The following HEATR6 variants were observed in gnomAD, a reference collection of about 807,000 sequenced individuals.
The protein encoded by HEATR6 is HEAT repeat-containing protein 6.
In HEATR6, 106 loss-of-function variants were observed where a neutral mutation model predicts 132.8. The observed-to-expected ratio is 0.80, with a 90% confidence interval of 0.68 to 0.94. The LOEUF is 0.94. HEATR6 is among the 40% of genes least tolerant of loss of function. HEATR6 has a pLI of 0.00. For missense variants in HEATR6, 1,339 were observed against 1,425.1 expected (o/e 0.94, Z 0.97); for synonymous variants, 529 against 537.8 (o/e 0.98, Z 0.23).
At chr17:60,054,863 G>C (rs1461348585) in intron 14 of HEATR6, among the ~76,000 whole-genome samples, 2 of 152,186 alleles carry the variant, frequency 1.3e-5, no homozygotes, top group Admixed American at 1.3e-4. Context: ...ACAGTGAGAG[G>C]AACATGAGAT....
chr17:60,044,213 C>T, intron 19 of HEATR6, 79 bp from the exon 20 acceptor site: 1 of 1,020,052 alleles, frequency 9.8e-7, no homozygotes, highest in South Asian at 1.5e-5. Context: ...TGGAAGGAAG[C>T]TTAAACACTA....
intron 12 of HEATR6, among the ~76,000 whole-genome samples, chr17:60,056,510 C>G (rs929135049): frequency 6.6e-6 from 1 of 152,174 alleles, no homozygotes; most frequent in Non-Finnish European, 1.5e-5. Context: ...AATTTTACAA[C>G]TAAAGAACCT....
rs1906193513 is a variant in HEATR6 at position 60,042,284 on chromosome 17, G to A, written c.*1279C>T. 6.6e-6 allele frequency among the ~76,000 whole-genome samples: 1 copy of A among 152,246 alleles called. No individual in the cohort carries two copies. The highest frequency in any genetic ancestry group is 1.5e-5 in the Non-Finnish European group (1 of 68,038). ...GTGGGGAGGTGTGGCAGGGAAGGTG[G>A]TCAGGGGAACACGGGCACTCCAGAA... On this transcript the variant is annotated 3_prime_UTR_variant, in exon 20 of 20. Coordinates refer to ENST00000184956, the MANE Select transcript of HEATR6 (RefSeq NM_022070.5).
intron 1 of HEATR6, among the ~76,000 whole-genome samples, chr17:60,077,636 C>G (rs1243957359): frequency 1.1e-4 from 17 of 152,202 alleles, no homozygotes; most frequent in Non-Finnish European, 7.3e-5. Context: ...CTTGCTTCAA[C>G]CATTTACCAA....
chr17:60,054,336 C>T (rs1906674081), intron 14 of HEATR6, among the ~76,000 whole-genome samples: 1 of 152,264 alleles, frequency 6.6e-6, no homozygotes, highest in Admixed American at 6.5e-5. Context: ...GGTGCCCATG[C>T]AGAAGCCTGC....
intron 11 of HEATR6, among the ~76,000 whole-genome samples, chr17:60,057,633 C>A (rs1235937847): frequency 2.0e-5 from 3 of 152,112 alleles, no homozygotes; most frequent in African/African-American, 2.4e-5. Flanking sequence ...TCTTTGGTGA[C>A]AGAGCTTAGA....
chr17:60,061,263 C>A (rs1295142633), intron 9 of HEATR6, among the ~76,000 whole-genome samples: 4 of 152,146 alleles, frequency 2.6e-5, no homozygotes, highest in Non-Finnish European at 4.4e-5. Flanking sequence ...TCCAAACAAC[C>A]AGGTAATAAA....
chr17:60,055,979 T>C, intron 13 of HEATR6, 136 bp downstream of exon 13: 1 of 1,072,850 alleles, frequency 9.3e-7, no homozygotes, highest in Non-Finnish European at 1.3e-6. Flanking sequence ...ACCTGAAATC[T>C]CTTTAAGAAA....
chr17:60,067,771 C>T (rs755727063), intron 7 of HEATR6, 39 bp from the exon 8 acceptor site: 2 of 1,505,514 alleles, frequency 1.3e-6, no homozygotes, highest in South Asian at 1.2e-5. Context: ...ATAATAACTA[C>T]TTCAGAATGG....
intron 3 of HEATR6, 141 bp from the exon 4 acceptor site, chr17:60,073,420 G>C (rs1048034858): frequency 1.6e-5 from 10 of 612,854 alleles, no homozygotes; most frequent in African/African-American, 1.3e-4. Flanking sequence ...GTCTCCGATG[G>C]ATATGCAAAG....
chr17:60,073,320 C>A, intron 3 of HEATR6, 41 bp from the exon 4 acceptor site: 1 of 1,159,592 alleles, frequency 8.6e-7, no homozygotes, highest in Non-Finnish European at 1.3e-6. Flanking sequence ...AGAAAAGCTT[C>A]TAGGAAAATA....
Position 60,067,673 on chromosome 17 carries a change from T to C in HEATR6, c.999A>G (p.Glu333=). The change falls in exon 8 of 20, where the codon GAA becomes GAG. Residue 333 remains glutamate (E), a synonymous_variant. Transcript: ENST00000184956. Reference sequence around the variant, plus strand: ...CCTCTATTTCACCACTGGATTCCTTTTCCTCCTCCTCTCCTTGCTGGATTT... The same window carrying C: ...CCTCTATTTCACCACTGGATTCCTTCTCCTCCTCCTCTCCTTGCTGGATTT... ...PKKIQQGEEE[E]KESSGEIEAA... 1 of 1,613,482 alleles carries C rather than the reference T, an allele frequency of 6.2e-7. No individual in the cohort carries two copies. Among genetic ancestry groups the C allele is most frequent in the South Asian group, 1.1e-5 (1 of 90,976 alleles).
chr17:60,067,238 C>A (rs1182771164), intron 8 of HEATR6, among the ~76,000 whole-genome samples, 196 bp downstream of exon 8: 5 of 145,298 alleles, frequency 3.4e-5, no homozygotes, highest in Admixed American at 2.7e-4. Flanking sequence ...CCACTGCACT[C>A]CAGCCTGGGC....
chr17:60,069,800 C>A lies in HEATR6; in HGVS notation c.850G>T (p.Val284Leu), dbSNP rs2083261506. Residue 284 changes from valine (V) to leucine (L), a missense_variant, in exon 7 of 20, where the codon GTG becomes TTG. Physicochemically the swap from Val to Leu is conservative, Grantham distance 32. Coordinates refer to ENST00000184956, the MANE Select transcript of HEATR6 (RefSeq NM_022070.5). ...LPGLNIEMPT[V>L]LYPTPLPQYD... ...TGAGGAAGCGGAGTTGGGTATAACA[C>A]CGTGGGCATCTCTATGTTTAGTCCA... 1 of 1,613,894 alleles carries A rather than the reference C, an allele frequency of 6.2e-7. No homozygotes were observed. The highest frequency in any genetic ancestry group is 1.7e-5 in the Admixed American group (1 of 59,988).
intron 9 of HEATR6, chr17:60,063,759 C>T (rs920593928): frequency 6.6e-6 from 1 of 152,304 alleles, no homozygotes; most frequent in African/African-American, 2.4e-5. Flanking sequence ...TCATATCAGA[C>T]CTGCCATAAA....
At chr17:60,053,550 A>G (rs937975248) in intron 14 of HEATR6, among the ~76,000 whole-genome samples, 5 of 152,240 alleles carry the variant, frequency 3.3e-5, no homozygotes, top group Non-Finnish European at 7.3e-5. Flanking sequence ...GAAAGTTTGG[A>G]ACTTCTTAGA....
In HEATR6 at chr17:60,070,816, A is replaced by T; in HGVS notation, c.700-9T>A. ...AATGCATTTTGCAATAACTAGGGGG[A>T]AAAGGGAGACCCAGTTAGAAGGCAG... On this transcript the variant is annotated splice_polypyrimidine_tract_variant and intron_variant, in intron 5 of 19. Coordinates refer to ENST00000184956, the MANE Select transcript of HEATR6 (RefSeq NM_022070.5). The T allele has an allele frequency of 2.8e-6, 4 of 1,413,282 alleles. No homozygotes were observed. In the Middle Eastern group the frequency reaches 5.3e-4, roughly 186 times the overall value. The allele number at this position is 1,413,282 out of a possible 1,614,324, so 87.5% of individuals were successfully genotyped here. A position where few individuals can be genotyped will look rare whatever the true frequency, so the allele number is the denominator to read the frequency against.
chr17:60,062,683 C>A (rs140216103), intron 9 of HEATR6, among the ~76,000 whole-genome samples: 56 of 152,220 alleles, frequency 3.7e-4, no homozygotes, highest in African/African-American at 1.2e-3. Flanking sequence ...TTGTCTTTTA[C>A]GTAACAGCAT....
rs115876236 is a variant in HEATR6, at chr17:60,043,662, T to G, written c.3447A>C (p.Thr1149=). Residue 1149 remains threonine (T), a synonymous_variant, in exon 20 of 20, where the codon ACA becomes ACC. Transcript: ENST00000184956. ...AAAAGCCCATGATGGCCCTTCTGGCTGTGTCTCCAGTTGGTGCCTGGATGC... is the reference window on the plus strand; with the variant it reads ...AAAAGCCCATGATGGCCCTTCTGGCGGTGTCTCCAGTTGGTGCCTGGATGC... ...MGSIQAPTGD[T]ARRAIMGFLE... The G allele has an allele frequency of 1.2e-5, 20 of 1,614,066 alleles. No individual in the cohort carries two copies. The highest frequency in any genetic ancestry group is 1.6e-5 in the Non-Finnish European group (19 of 1,180,038).
Sources: gnomAD v4.1 joint callset for allele counts (sites outside exome capture counted in the v4.1 genomes callset) on GRCh38, gnomAD v4.1.1 for gene constraint, MANE v1.5 for transcripts, NCBI Gene and HGNC (gene_info 2026-07-23, HGNC 2026-07-21) for gene names.